The following WWC2 variants were observed in gnomAD, a reference collection of about 807,000 sequenced individuals.
The protein encoded by WWC2 is WW and C2 domain containing 2.
Under a neutral mutation model 138.5 loss-of-function variants are expected in WWC2, and 101 were observed. The observed-to-expected ratio is 0.73, with a 90% confidence interval of 0.62 to 0.86. The LOEUF (loss-of-function observed/expected upper bound fraction) is 0.86. Ranked by LOEUF, WWC2 falls within the 40% of genes least tolerant of loss-of-function variation. The pLI is 0.00. For missense variants in WWC2, 1,420 were observed against 1,419.4 expected (o/e 1.00, Z -0.01); for synonymous variants, 558 against 538.4 (o/e 1.04, Z -0.50).
At chr4:183,231,773 T>C (rs1342771918) in intron 4 of WWC2, among the ~76,000 whole-genome samples, 2 of 152,142 alleles carry the variant, frequency 1.3e-5, no homozygotes, top group African/African-American at 4.8e-5. Context: ...TCATCCTGCC[T>C]CAGCCTCCCG....
At chr4:183,313,077 T>G (rs1241486733) in intron 22 of WWC2, among the ~76,000 whole-genome samples, 1 of 152,136 alleles carries the variant, frequency 6.6e-6, no homozygotes, top group Admixed American at 6.5e-5. Context: ...GAAGGATGGC[T>G]GCAAGCTCCT....
At chr4:183,308,789 GTAA>G (rs1289944678) in intron 21 of WWC2, among the ~76,000 whole-genome samples, 14 of 152,086 alleles carry the variant, frequency 9.2e-5, no homozygotes, top group Admixed American at 2.6e-4. Context: ...GTATAATGTA[GTAA>G]TAATAATGTC....
intron 4 of WWC2, among the ~76,000 whole-genome samples, chr4:183,210,310 G>A (rs1422535244): frequency 6.6e-6 from 1 of 151,992 alleles, no homozygotes; most frequent in African/African-American, 2.4e-5. Flanking sequence ...GAAATGGTGA[G>A]GTGTGGTTCA....
chr4:183,190,889 T>C (rs1734970400), intron 1 of WWC2, among the ~76,000 whole-genome samples: 1 of 152,204 alleles, frequency 6.6e-6, no homozygotes, highest in South Asian at 2.1e-4. Context: ...GTAATAAATA[T>C]ATTCCTGTCA....
intron 1 of WWC2, among the ~76,000 whole-genome samples, 176 bp downstream of exon 1, chr4:183,099,798 C>T (rs1190290151): frequency 2.0e-5 from 3 of 151,944 alleles, no homozygotes; most frequent in East Asian, 2.0e-4. Flanking sequence ...CCGGGCTCCT[C>T]CGCCCACCGG....
intron 1 of WWC2, among the ~76,000 whole-genome samples, chr4:183,118,098 G>T (rs561918390): frequency 6.6e-6 from 1 of 152,094 alleles, no homozygotes; most frequent in East Asian, 1.9e-4. Context: ...GCGCCTGGCC[G>T]GTTATGGATA....
chr4:183,220,234 C>A (rs542985457), intron 4 of WWC2, among the ~76,000 whole-genome samples: 2 of 152,096 alleles, frequency 1.3e-5, no homozygotes, highest in South Asian at 4.2e-4. Flanking sequence ...TGGCTAACAC[C>A]CTGATTTCAG....
chr4:183,130,094 C>T (rs796712745), intron 1 of WWC2, among the ~76,000 whole-genome samples: 7 of 151,028 alleles, frequency 4.6e-5, no homozygotes, highest in African/African-American at 1.7e-4. Context: ...GCTCTGTCGC[C>T]CAGGGTGGAA....
intron 1 of WWC2, among the ~76,000 whole-genome samples, chr4:183,116,353 C>G (rs529908250): frequency 6.6e-6 from 1 of 152,302 alleles, no homozygotes; most frequent in South Asian, 2.1e-4. Context: ...GTCTTGTTCA[C>G]TACTGTATTC....
intron 2 of WWC2, among the ~76,000 whole-genome samples, chr4:183,203,891 C>T (rs776741240): frequency 3.3e-5 from 5 of 152,090 alleles, no homozygotes; most frequent in African/African-American, 4.8e-5. Flanking sequence ...TACTAAGAGC[C>T]GCCATCACAG....
intron 4 of WWC2, among the ~76,000 whole-genome samples, chr4:183,236,370 A>G (rs1293382788): frequency 6.6e-6 from 1 of 152,212 alleles, no homozygotes; most frequent in East Asian, 1.9e-4. Context: ...CAGAGACTCC[A>G]GGGGTGCCTT....
At position 183,319,780 on chromosome 4, in the gene WWC2, C is replaced by T. The variant is rs549983643; in HGVS notation, c.*4051C>T. 6.2e-7 allele frequency: 1 copy of T among 1,614,050 alleles called. No individual in the cohort carries two copies. The highest frequency in any genetic ancestry group is 8.5e-7 in the Non-Finnish European group (1 of 1,179,960). On this transcript the variant is annotated 3_prime_UTR_variant, in exon 23 of 23. Coordinates refer to ENST00000403733, the MANE Select transcript of WWC2 (RefSeq NM_024949.6). ...TCTGGGACGTTCTCATCCCAGAACT[C>T]CTGAACCGTCTTGTGGGCAACCCAA...
chr4:183,185,668 A>G (rs1734769220), intron 1 of WWC2, among the ~76,000 whole-genome samples: 1 of 152,096 alleles, frequency 6.6e-6, no homozygotes, highest in South Asian at 2.1e-4. Context: ...TTTAGTGTGA[A>G]GGGCTATGCG....
intron 20 of WWC2, among the ~76,000 whole-genome samples, chr4:183,286,872 A>G (rs1250681015): frequency 6.6e-6 from 1 of 152,134 alleles, no homozygotes; most frequent in Non-Finnish European, 1.5e-5. Context: ...GAGAGTCAGA[A>G]GGGCTCAGTT....
chr4:183,258,286 T>A (rs1737213855), intron 9 of WWC2, among the ~76,000 whole-genome samples: 1 of 152,208 alleles, frequency 6.6e-6, no homozygotes, highest in African/African-American at 2.4e-5. Context: ...GAAAGATTTT[T>A]AAAATGACCG....
intron 2 of WWC2, among the ~76,000 whole-genome samples, chr4:183,201,833 T>C (rs1461618068): frequency 1.3e-5 from 2 of 152,182 alleles, no homozygotes; most frequent in Non-Finnish European, 2.9e-5. Context: ...CTTACGTTCA[T>C]ATAGTGGCCA....
rs1341780034 is a variant in WWC2 at position 183,316,124 on chromosome 4, C to G, written c.*395C>G. Reference sequence around the variant, plus strand: ...TCTCCTTTGTGTTCCTGTGAGTAGGCTGTGCCGATGGCAGCAGCGCCACGT... The same window carrying G: ...TCTCCTTTGTGTTCCTGTGAGTAGGGTGTGCCGATGGCAGCAGCGCCACGT... On this transcript the variant is annotated 3_prime_UTR_variant, in exon 23 of 23. Coordinates refer to ENST00000403733, the MANE Select transcript of WWC2 (RefSeq NM_024949.6). 5.4e-6 allele frequency: 1 copy of G among 186,888 alleles called. No homozygotes were observed. Among genetic ancestry groups the G allele is most frequent in the Non-Finnish European group, 1.1e-5 (1 of 88,926 alleles). 11.6% of individuals were successfully genotyped at this position (186,888 alleles called of 1,614,324 possible).
intron 21 of WWC2, among the ~76,000 whole-genome samples, chr4:183,296,866 G>A (rs927624459): frequency 2.2e-5 from 3 of 136,426 alleles, no homozygotes; most frequent in Admixed American, 8.4e-5. Context: ...CCCCGGAGGC[G>A]GAGCTTGCAG....
chr4:183,140,140 C>T (rs763517170), intron 1 of WWC2, among the ~76,000 whole-genome samples: 32 of 152,192 alleles, frequency 2.1e-4, no homozygotes, highest in Admixed American at 7.2e-4. Flanking sequence ...ACTGCTGCAT[C>T]GCTGGTATGT....
Sources: allele counts gnomAD v4.1 joint callset (sites outside exome capture counted in the v4.1 genomes callset), GRCh38; gene constraint gnomAD v4.1.1; transcripts MANE v1.5; gene names NCBI Gene and HGNC (gene_info 2026-07-23, HGNC 2026-07-21).